PDE1C: variants seen among roughly 807,000 people sequenced by gnomAD.
PDE1C encodes the protein phosphodiesterase 1C, also known as dual specificity calcium/calmodulin-dependent 3',5'-cyclic nucleotide phosphodiesterase 1C.
Under a neutral mutation model 93.1 loss-of-function variants are expected in PDE1C, and 62 were observed. That is an observed-to-expected ratio of 0.67 (90% CI 0.54 to 0.82). The LOEUF is 0.82. PDE1C is among the 40% of genes least tolerant of loss of function. The pLI is 0.00. For synonymous variants in PDE1C, 325 were observed against 310.1 expected, an observed-to-expected ratio of 1.05 and a Z score of -0.50; for missense variants, 742 against 884.6, an observed-to-expected ratio of 0.84 and a Z score of 2.04.
chr7:31,851,374 C>T (rs1166446009), intron 7 of PDE1C, among the ~76,000 whole-genome samples: 1 of 152,116 alleles, frequency 6.6e-6, no homozygotes, highest in Non-Finnish European at 1.5e-5. Flanking sequence ...ATTCTTCAGC[C>T]CCACCCCAAT....
At chr7:31,977,942 T>C (rs1261662174) in intron 2 of PDE1C, among the ~76,000 whole-genome samples, 2 of 152,186 alleles carry the variant, frequency 1.3e-5, no homozygotes, top group Non-Finnish European at 2.9e-5. Flanking sequence ...TTTTCTTGTG[T>C]TTTTCTCTTT....
At chr7:31,804,742 T>C (rs910104122) in intron 16 of PDE1C, among the ~76,000 whole-genome samples, 2 of 151,834 alleles carry the variant, frequency 1.3e-5, no homozygotes, top group African/African-American at 2.4e-5. Flanking sequence ...TTTGGAACCA[T>C]TGTTAAGTAA....
In PDE1C at chr7:32,030,687, G is replaced by A. The variant is rs1407051970; in HGVS notation, c.128+20867C>T. On this transcript the variant is annotated intron_variant, in intron 2 of 17. Coordinates refer to ENST00000396191, the MANE Select transcript of PDE1C (RefSeq NM_001191057.4). ...CATAAAACTTAGGAAGGACTTTCTGGTCAACTTCATAATAAACCTATTTAG... is the reference window on the plus strand; with the variant it reads ...CATAAAACTTAGGAAGGACTTTCTGATCAACTTCATAATAAACCTATTTAG... Among the ~76,000 whole-genome samples, 3 of 152,132 alleles carry A rather than the reference G, an allele frequency of 2.0e-5. No homozygotes were observed. In the East Asian group the frequency reaches 5.8e-4, roughly 29 times the overall value.
Position 32,090,696 on chromosome 7 carries a change from A to C in PDE1C, c.308+79089T>G, listed in dbSNP as rs144884020. On this transcript the variant is annotated intron_variant, in intron 3 of 18. Transcript: ENST00000396193. ...ATGGATGTATCAAGGACACCCTTTA[A>C]GAATCTGATAAAAGTTACAAACTTT... is the stretch of plus-strand genomic sequence containing the variant. Among the ~76,000 whole-genome samples the C allele has an allele frequency of 3.4e-3, 513 of 152,292 alleles. 4 individuals carry two copies. Among genetic ancestry groups the C allele is most frequent in the African/African-American group, 0.012 (496 of 41,560 alleles).
chr7:31,801,771 T>C (rs1786078049), intron 16 of PDE1C, among the ~76,000 whole-genome samples: 1 of 151,536 alleles, frequency 6.6e-6, no homozygotes, highest in Non-Finnish European at 1.5e-5. Flanking sequence ...TGTTCTGATA[T>C]CTACTGTCAT....
intron 1 of PDE1C, among the ~76,000 whole-genome samples, chr7:32,241,397 A>G (rs913636399): frequency 6.6e-6 from 1 of 152,190 alleles, no homozygotes; most frequent in Non-Finnish European, 1.5e-5. Flanking sequence ...GGAGTGGCCA[A>G]CCATGTCAAA....
At chr7:31,789,750 G>C (rs576578433) in intron 16 of PDE1C, 2 of 985,916 alleles carry the variant, frequency 2.0e-6, no homozygotes, top group Non-Finnish European at 2.4e-6. Context: ...TCATCTTTGC[G>C]GTGATGAATG....
At chr7:31,647,378 G>A in the PDE1C span, among the ~76,000 whole-genome samples, 1 of 152,068 alleles carries the variant, frequency 6.6e-6, no homozygotes, top group Non-Finnish European at 1.5e-5. Context: ...AAGATAATGG[G>A]AGGCCAGGCA....
chr7:32,267,075 C>T (rs914568676), intron 1 of PDE1C, among the ~76,000 whole-genome samples: 8 of 152,208 alleles, frequency 5.3e-5, no homozygotes, highest in African/African-American at 1.9e-4. Flanking sequence ...CCTCAGTTTC[C>T]CTGCCACCTG....
At chr7:32,206,296 G>A (rs879515443) in intron 2 of PDE1C, among the ~76,000 whole-genome samples, 9 of 152,080 alleles carry the variant, frequency 5.9e-5, no homozygotes, top group African/African-American at 2.2e-4. Flanking sequence ...GGAGCAGAAA[G>A]GGGCCAGTTT....
intron 1 of PDE1C, among the ~76,000 whole-genome samples, chr7:32,409,945 C>G (rs1009167721): frequency 1.3e-5 from 2 of 151,950 alleles, no homozygotes; most frequent in Non-Finnish European, 2.9e-5. Flanking sequence ...TAAGAAGGCT[C>G]ACTCTCACCA....
At chr7:31,773,120 G>A (rs891401567) in intron 17 of PDE1C, among the ~76,000 whole-genome samples, 2 of 152,204 alleles carry the variant, frequency 1.3e-5, no homozygotes, top group African/African-American at 2.4e-5. Context: ...GTGTCAATCT[G>A]CACACTGTGT....
chr7:32,293,504 T>C (rs750378236), intron 1 of PDE1C, among the ~76,000 whole-genome samples: 7 of 152,170 alleles, frequency 4.6e-5, no homozygotes, highest in Non-Finnish European at 8.8e-5. Flanking sequence ...GAGGGCATTT[T>C]AGAGTTAACA....
intron 3 of PDE1C, chr7:32,077,722 C>G (rs927027247): frequency 3.5e-6 from 1 of 283,462 alleles, no homozygotes; most frequent in Non-Finnish European, 5.3e-6. Context: ...AGGCACCCAC[C>G]ACCACACCCG....
intron 2 of PDE1C, among the ~76,000 whole-genome samples, chr7:32,013,274 T>C (rs1175039143): frequency 6.6e-6 from 1 of 152,216 alleles, no homozygotes; most frequent in Non-Finnish European, 1.5e-5. Flanking sequence ...AATAATGAAG[T>C]ACCAGCAAAA....
At chr7:32,341,470 C>G (rs938151786) in intron 1 of PDE1C, among the ~76,000 whole-genome samples, 1 of 151,992 alleles carries the variant, frequency 6.6e-6, no homozygotes, top group Non-Finnish European at 1.5e-5. Context: ...CCACCGCGCC[C>G]GGCCTATTTT....
chr7:32,189,529 T>A (rs571334201), intron 2 of PDE1C, among the ~76,000 whole-genome samples: 2 of 152,332 alleles, frequency 1.3e-5, no homozygotes, highest in South Asian at 4.1e-4. Context: ...GATTCATTTG[T>A]AAATCTGCCT....
At chr7:31,755,167 C>T (rs10239685) in intron 17 of PDE1C, among the ~76,000 whole-genome samples, 11,163 of 152,110 alleles carry the variant, frequency 0.073, 577 homozygotes, top group East Asian at 0.25. Flanking sequence ...TCAACAATTA[C>T]GTAAACAGAG....
At chr7:32,060,489 C>T (rs886137728) in intron 1 of PDE1C, among the ~76,000 whole-genome samples, 20 of 152,194 alleles carry the variant, frequency 1.3e-4, no homozygotes, top group Admixed American at 9.2e-4. Flanking sequence ...CCTAAACACA[C>T]GCTCTATAAA....
Sources: allele counts gnomAD v4.1 joint callset (sites outside exome capture counted in the v4.1 genomes callset), GRCh38; gene constraint gnomAD v4.1.1; transcripts MANE v1.5; gene names NCBI Gene and HGNC (gene_info 2026-07-23, HGNC 2026-07-21).